PLEKHA3: variants seen among roughly 807,000 people sequenced by gnomAD.
PLEKHA3 encodes the protein pleckstrin homology domain containing A3, also known as pleckstrin homology domain-containing family A member 3.
A neutral mutation model predicts 39.2 loss-of-function variants in PLEKHA3; 19 were observed. That is an observed-to-expected ratio of 0.48 (90% CI 0.34 to 0.71). The LOEUF is 0.71. PLEKHA3 is among the 30% of genes least tolerant of loss of function. PLEKHA3 has a pLI of 0.01. For missense variants in PLEKHA3, 253 were observed against 359.5 expected (o/e 0.70, Z 2.40); for synonymous variants, 97 against 118.6 (o/e 0.82, Z 1.18).
chr2:178,502,249 C>T, intron 7 of PLEKHA3: 2 of 175,488 alleles, frequency 1.1e-5, no homozygotes, highest in South Asian at 1.3e-4. Context: ...TTTTTAATGC[C>T]CACTTTTTTT....
intron 1 of PLEKHA3, among the ~76,000 whole-genome samples, chr2:178,484,950 C>T (rs1197974953): frequency 6.6e-6 from 1 of 152,200 alleles, no homozygotes; most frequent in Non-Finnish European, 1.5e-5. Flanking sequence ...CCTAGCTGTG[C>T]AACTGCAGAC....
rs1185021187 is a variant in PLEKHA3, at chr2:178,515,849, T to G, written c.*11962T>G. 1 of 152,092 alleles carries G rather than the reference T, an allele frequency of 6.6e-6. No homozygotes were observed. The highest frequency in any genetic ancestry group is 1.5e-5 in the Non-Finnish European group (1 of 67,966). 9.4% of individuals were successfully genotyped at this position (152,092 alleles called of 1,614,324 possible). On this transcript the variant is annotated 3_prime_UTR_variant, in exon 8 of 8. Coordinates refer to ENST00000234453, the MANE Select transcript of PLEKHA3 (RefSeq NM_019091.4). ...TTTTCAGTTAACTAGTTGAATAGTA[T>G]TTATCATTCACATTTGCACCCTAAC...
chr2:178,507,775 G>A lies in PLEKHA3; in HGVS notation c.*3888G>A, dbSNP rs970743365. The A allele has an allele frequency of 7.2e-6, 1 of 137,986 alleles. No homozygotes were observed. Among genetic ancestry groups the A allele is most frequent in the Non-Finnish European group, 1.5e-5 (1 of 65,192 alleles). 8.5% of individuals were successfully genotyped at this position (137,986 alleles called of 1,614,324 possible). On this transcript the variant is annotated 3_prime_UTR_variant, in exon 8 of 8. Coordinates refer to ENST00000234453, the MANE Select transcript of PLEKHA3 (RefSeq NM_019091.4). Reference sequence around the variant, plus strand: ...TTTAAGGCTTTACAGGTCTGAAAATGTCTCTACTCTTGATTGGTAGTTTGG... The same window carrying A: ...TTTAAGGCTTTACAGGTCTGAAAATATCTCTACTCTTGATTGGTAGTTTGG...
In PLEKHA3 at chr2:178,480,739, A is replaced by G; in HGVS notation, c.-131A>G. 1 of 703,332 alleles carries G rather than the reference A, an allele frequency of 1.4e-6. No homozygotes were observed. The highest frequency in any genetic ancestry group is 2.0e-6 in the Non-Finnish European group (1 of 501,252). The allele number at this position is 703,332 out of a possible 1,614,324, so 43.6% of individuals were successfully genotyped here. ...GCCGCCACGTCCCTGCGGCGCGCGC[A>G]GGCAGAAAGCGGCTTCGTGCCGGCG... On this transcript the variant is annotated 5_prime_UTR_variant, in exon 1 of 8. Coordinates refer to ENST00000234453, the MANE Select transcript of PLEKHA3 (RefSeq NM_019091.4).
At chr2:178,490,549 C>G in intron 2 of PLEKHA3, 110 bp from the exon 3 acceptor site, 1 of 1,119,608 alleles carries the variant, frequency 8.9e-7, no homozygotes, top group Non-Finnish European at 1.3e-6. Flanking sequence ...AATGATAGTT[C>G]AATGTTTTTG....
chr2:178,499,791 G>A (rs192387649), intron 6 of PLEKHA3, among the ~76,000 whole-genome samples: 2 of 152,286 alleles, frequency 1.3e-5, no homozygotes, highest in African/African-American at 4.8e-5. Flanking sequence ...GCTCTGTGAT[G>A]TTTGCACAGT....
At chr2:178,496,517 T>A (rs1183455091) in intron 5 of PLEKHA3, among the ~76,000 whole-genome samples, 1 of 151,958 alleles carries the variant, frequency 6.6e-6, no homozygotes. Flanking sequence ...AATTTAGTTA[T>A]GAGATTTAGT....
intron 6 of PLEKHA3, 103 bp downstream of exon 6, chr2:178,499,357 G>A: frequency 9.2e-7 from 1 of 1,088,252 alleles, no homozygotes; most frequent in South Asian, 1.6e-5. Context: ...CTCTGTATGG[G>A]TTAGGTCTGG....
intron 3 of PLEKHA3, among the ~76,000 whole-genome samples, chr2:178,491,159 T>C (rs1575143745): frequency 6.6e-6 from 1 of 151,958 alleles, no homozygotes; most frequent in East Asian, 1.9e-4. Context: ...TACAGGTGCC[T>C]GCTACCATGC....
intron 5 of PLEKHA3, among the ~76,000 whole-genome samples, chr2:178,497,401 T>C (rs1685465854): frequency 6.6e-6 from 1 of 151,974 alleles, no homozygotes; most frequent in Non-Finnish European, 1.5e-5. Context: ...CAGCTAATTT[T>C]TTGTATTTTT....
intron 6 of PLEKHA3, among the ~76,000 whole-genome samples, chr2:178,499,671 C>T (rs1406765833): frequency 6.6e-6 from 1 of 152,112 alleles, no homozygotes; most frequent in Non-Finnish European, 1.5e-5. Flanking sequence ...CAGTCACCCA[C>T]AACATTCAGT....
intron 2 of PLEKHA3, 117 bp from the exon 3 acceptor site, chr2:178,490,542 G>T (rs377388724): frequency 9.4e-7 from 1 of 1,061,268 alleles, no homozygotes; most frequent in Non-Finnish European, 1.3e-6. Flanking sequence ...CATCATGAAT[G>T]ATAGTTCAAT....
intron 3 of PLEKHA3, among the ~76,000 whole-genome samples, chr2:178,492,181 T>C (rs1011820066): frequency 2.6e-5 from 4 of 152,132 alleles, no homozygotes; most frequent in Non-Finnish European, 5.9e-5. Context: ...ATTAATTACA[T>C]TAGTGAAAGC....
Position 178,480,858 on chromosome 2 carries a change from G to A in PLEKHA3, c.-12G>A. ...CCGGGCCGGGAGGATGCGCGGTGTG[G>A]GGCTCTGAAGCATGGAGGGGGTGTT... On this transcript the variant is annotated 5_prime_UTR_variant, in exon 1 of 8. Coordinates refer to ENST00000234453, the MANE Select transcript of PLEKHA3 (RefSeq NM_019091.4). 1 of 1,318,710 alleles carries A rather than the reference G, an allele frequency of 7.6e-7. No individual in the cohort carries two copies. The highest frequency in any genetic ancestry group is 9.8e-7 in the Non-Finnish European group (1 of 1,025,592). 81.7% of individuals were successfully genotyped at this position (1,318,710 alleles called of 1,614,324 possible).
chr2:178,497,966 T>G (rs914457214), intron 5 of PLEKHA3, among the ~76,000 whole-genome samples: 4 of 152,106 alleles, frequency 2.6e-5, no homozygotes, highest in Non-Finnish European at 5.9e-5. Context: ...ACATTGTTTA[T>G]TTATTTATAT....
rs970027375 is a variant in PLEKHA3, at chr2:178,516,286, T to C, written c.*12399T>C. On this transcript the variant is annotated 3_prime_UTR_variant, in exon 8 of 8. Coordinates refer to ENST00000234453, the MANE Select transcript of PLEKHA3 (RefSeq NM_019091.4). The stretch of plus-strand genomic sequence containing the variant: ...ATTTTGAAAAAGTTTCAGAATAGAA[T>C]TTCTATTCCCAGGGGAAAATAAACT... The C allele has an allele frequency of 3.9e-5, 6 of 152,270 alleles. No individual in the cohort carries two copies. The highest frequency in any genetic ancestry group is 1.3e-4 in the Admixed American group (2 of 15,288). 9.4% of individuals were successfully genotyped at this position (152,270 alleles called of 1,614,324 possible). A position where few individuals can be genotyped will look rare whatever the true frequency, so the allele number is the denominator to read the frequency against.
intron 4 of PLEKHA3, among the ~76,000 whole-genome samples, chr2:178,494,836 T>C (rs1685416146): frequency 6.6e-6 from 1 of 151,692 alleles, no homozygotes; most frequent in Non-Finnish European, 1.5e-5. Context: ...AGAGAGTCCT[T>C]CTCAACTTGC....
chr2:178,482,822 A>G (rs1685192341), intron 1 of PLEKHA3, among the ~76,000 whole-genome samples: 1 of 152,176 alleles, frequency 6.6e-6, no homozygotes, highest in Admixed American at 6.5e-5. Context: ...GCATTGTAGA[A>G]GCTGGTTGAA....
At chr2:178,484,581 T>C (rs1314404170) in intron 1 of PLEKHA3, among the ~76,000 whole-genome samples, 1 of 152,188 alleles carries the variant, frequency 6.6e-6, no homozygotes, top group Admixed American at 6.5e-5. Flanking sequence ...AAATTGATCA[T>C]GTGGCAGGCT....
Sources: gnomAD v4.1 joint callset for allele counts (sites outside exome capture counted in the v4.1 genomes callset) on GRCh38, gnomAD v4.1.1 for gene constraint, MANE v1.5 for transcripts, NCBI Gene and HGNC (gene_info 2026-07-23, HGNC 2026-07-21) for gene names.